TSPAN5: variants seen among roughly 807,000 people sequenced by gnomAD.
TSPAN5 encodes the protein tetraspanin 5, also known as tetraspanin-5.
In TSPAN5, 10 loss-of-function variants were observed where a neutral mutation model predicts 37.1. That is an observed-to-expected ratio of 0.27 (90% CI 0.17 to 0.46). The LOEUF is 0.46. Ranked by LOEUF, TSPAN5 falls within the 20% of genes least tolerant of loss-of-function variation. The pLI, the probability that TSPAN5 is intolerant of heterozygous loss-of-function variation, is 1.00. For missense variants in TSPAN5, 195 were observed against 326.6 expected, an observed-to-expected ratio of 0.60 and a Z score of 3.11; for synonymous variants, 110 against 118.9, an observed-to-expected ratio of 0.93 and a Z score of 0.48.
At chr4:98,501,985 C>T (rs964630613) in intron 2 of TSPAN5, among the ~76,000 whole-genome samples, 6 of 152,046 alleles carry the variant, frequency 3.9e-5, no homozygotes, top group South Asian at 2.1e-4. Flanking sequence ...GGTATAACAG[C>T]GGAGGTGGTG....
chr4:98,550,198 T>C lies in TSPAN5; in HGVS notation c.82-42470A>G, dbSNP rs185920817. 3.8e-3 allele frequency among the ~76,000 whole-genome samples: 584 copies of C among 152,296 alleles called. 3 individuals carry two copies. The highest frequency in any genetic ancestry group is 4.9e-3 in the Non-Finnish European group (331 of 68,008). On this transcript the variant is annotated intron_variant, in intron 1 of 7. Transcript: ENST00000305798. ...ATTTGTTGAAAATCAGTTGTAGATA[T>C]GTGGCTTTATTTTTGGCTTCTCTAT...
At chr4:98,496,787 T>TA (rs1753222487) in intron 2 of TSPAN5, 1 of 152,232 alleles carries the variant, frequency 6.6e-6, no homozygotes, top group Non-Finnish European at 1.5e-5. Context: ...CATTCCCAGA[T>TA]ATTTTCATTT....
chr4:98,654,392 A>G (rs1438810179), intron 1 of TSPAN5, among the ~76,000 whole-genome samples: 1 of 152,266 alleles, frequency 6.6e-6, no homozygotes, highest in Non-Finnish European at 1.5e-5. Flanking sequence ...AGGGCAAAAC[A>G]TCTATTAATG....
At chr4:98,631,470 C>T (rs1035236925) in intron 1 of TSPAN5, among the ~76,000 whole-genome samples, 6 of 152,114 alleles carry the variant, frequency 3.9e-5, no homozygotes, top group African/African-American at 1.4e-4. Flanking sequence ...AAACATAGCA[C>T]TCGATCTTTT....
chr4:98,473,254 T>C (rs1002172410), intron 7 of TSPAN5, among the ~76,000 whole-genome samples: 1 of 152,208 alleles, frequency 6.6e-6, no homozygotes, highest in African/African-American at 2.4e-5. Context: ...AACTGCTAAA[T>C]TGTTTCCCAA....
At chr4:98,587,528 C>G (rs141560580) in intron 1 of TSPAN5, among the ~76,000 whole-genome samples, 26 of 152,254 alleles carry the variant, frequency 1.7e-4, no homozygotes, top group African/African-American at 6.0e-4. Context: ...GGAAGACAAG[C>G]AAGTCTGGAA....
At chr4:98,581,589 A>G (rs1177242401) in intron 1 of TSPAN5, among the ~76,000 whole-genome samples, 1 of 152,246 alleles carries the variant, frequency 6.6e-6, no homozygotes, top group Non-Finnish European at 1.5e-5. Context: ...CAAGAAAAAC[A>G]TAATACAATG....
At chr4:98,505,816 TC>T (rs1753467645) in intron 2 of TSPAN5, among the ~76,000 whole-genome samples, 2 of 152,172 alleles carry the variant, frequency 1.3e-5, no homozygotes, top group Admixed American at 6.5e-5. Context: ...CTCTATTTGT[TC>T]CCTGCTTATG....
Position 98,536,478 on chromosome 4 carries a change from G to A in TSPAN5, c.82-28750C>T, listed in dbSNP as rs1283860206. Among the ~76,000 whole-genome samples the A allele has an allele frequency of 1.3e-5, 2 of 152,218 alleles. 1 individual carries two copies. The highest frequency in any genetic ancestry group is 2.9e-5 in the Non-Finnish European group (2 of 68,034). On this transcript the variant is annotated intron_variant, in intron 1 of 7. Transcript: ENST00000305798. ...GTGTCTCCCAGATACACAGGGGTCA[G>A]GGACCCACTTGAGGAGGCAGGCTGA... is the stretch of plus-strand genomic sequence containing the variant.
intron 1 of TSPAN5, among the ~76,000 whole-genome samples, chr4:98,557,664 AAGG>A (rs1186133154): frequency 6.6e-6 from 1 of 152,220 alleles, no homozygotes; most frequent in East Asian, 1.9e-4. Flanking sequence ...CCTCCTTCCA[AAGG>A]AGGTGGGCCG....
intron 1 of TSPAN5, among the ~76,000 whole-genome samples, chr4:98,647,064 A>G (rs1195350488): frequency 6.6e-6 from 1 of 152,174 alleles, no homozygotes; most frequent in Admixed American, 6.5e-5. Context: ...ATCCAGACAC[A>G]CTCAAAGTCT....
At chr4:98,601,497 A>AC (rs1195676189) in intron 1 of TSPAN5, among the ~76,000 whole-genome samples, 1 of 151,970 alleles carries the variant, frequency 6.6e-6, no homozygotes, top group African/African-American at 2.4e-5. Context: ...CTTTCCTTAA[A>AC]CCTCATGAAC....
At chr4:98,613,357 T>C (rs1756246314) in intron 1 of TSPAN5, among the ~76,000 whole-genome samples, 1 of 152,198 alleles carries the variant, frequency 6.6e-6, no homozygotes. Context: ...TCTCTTATGG[T>C]ATTTCCAGAT....
At chr4:98,488,004 C>A (rs1049010214) in intron 2 of TSPAN5, among the ~76,000 whole-genome samples, 2 of 152,056 alleles carry the variant, frequency 1.3e-5, no homozygotes, top group Non-Finnish European at 2.9e-5. Context: ...CAAAATACCT[C>A]CAGAGAATCA....
intron 1 of TSPAN5, among the ~76,000 whole-genome samples, chr4:98,581,617 A>G (rs1185984697): frequency 6.6e-6 from 1 of 152,232 alleles, no homozygotes; most frequent in Admixed American, 6.5e-5. Context: ...AAACGGATTA[A>G]CTTTTTATTG....
chr4:98,622,600 T>C (rs1194223636), intron 1 of TSPAN5, among the ~76,000 whole-genome samples: 3 of 152,166 alleles, frequency 2.0e-5, no homozygotes, highest in African/African-American at 4.8e-5. Context: ...AAAAAAGTCA[T>C]AGAAACCAGC....
chr4:98,575,226 A>T (rs1755206873), intron 1 of TSPAN5, among the ~76,000 whole-genome samples: 1 of 152,190 alleles, frequency 6.6e-6, no homozygotes, highest in Non-Finnish European at 1.5e-5. Flanking sequence ...AAATATAGAA[A>T]ATTATTTAAA....
At chr4:98,473,611 C>T (rs1470307485) in intron 7 of TSPAN5, among the ~76,000 whole-genome samples, 1 of 152,082 alleles carries the variant, frequency 6.6e-6, no homozygotes, top group Admixed American at 6.6e-5. Flanking sequence ...AGGCGCCCGC[C>T]ACCGCGCCCG....
chr4:98,608,848 C>T (rs896991815), intron 1 of TSPAN5, among the ~76,000 whole-genome samples: 2 of 152,122 alleles, frequency 1.3e-5, no homozygotes, highest in African/African-American at 4.8e-5. Context: ...TATACTCGCC[C>T]TCAGAGAGAT....
Sources: gnomAD v4.1 joint callset for allele counts (sites outside exome capture counted in the v4.1 genomes callset) on GRCh38, gnomAD v4.1.1 for gene constraint, MANE v1.5 for transcripts, NCBI Gene and HGNC (gene_info 2026-07-23, HGNC 2026-07-21) for gene names.